The following METTL25 variants were observed in gnomAD, a reference collection of about 807,000 sequenced individuals.
METTL25 encodes methyltransferase like 25.
METTL25 carries 64 observed loss-of-function variants against 71.6 expected under a neutral mutation model. The ratio of observed to expected loss-of-function variants is 0.89; its 90% CI spans 0.73 to 1.10. The LOEUF (loss-of-function observed/expected upper bound fraction) is 1.10. Ranked by LOEUF, METTL25 falls within the 50% of genes least tolerant of loss-of-function variation. The pLI is 0.00. For synonymous variants in METTL25, 287 were observed against 250.3 expected (o/e 1.15, Z -1.38); for missense variants, 807 against 707.0 (o/e 1.14, Z -1.60).
intron 1 of METTL25, among the ~76,000 whole-genome samples, chr12:82,361,228 C>G (rs919647221): frequency 6.6e-6 from 1 of 152,172 alleles, no homozygotes; most frequent in Non-Finnish European, 1.5e-5. Context: ...ATACACAGAG[C>G]ACTGATTGGT....
At chr12:82,365,335 GA>G (rs1193696778) in intron 1 of METTL25, among the ~76,000 whole-genome samples, 1 of 152,056 alleles carries the variant, frequency 6.6e-6, no homozygotes, top group Non-Finnish European at 1.5e-5. Context: ...GTACATTACA[GA>G]TTACAATAAA....
At position 82,433,189 on chromosome 12, in the gene METTL25, A is replaced by G. The variant is rs534093389; in HGVS notation, c.1375-1506A>G. Among the ~76,000 whole-genome samples, 3 of 151,846 alleles carry G rather than the reference A, an allele frequency of 2.0e-5. No homozygotes were observed. In the East Asian group the frequency reaches 5.8e-4, roughly 30 times the overall value. ...ATTAAGCTTATCAGCAACACATACC[A>G]AAAGCAGTCTTGGGGTATATGATAT... is the stretch of plus-strand genomic sequence containing the variant. On this transcript the variant is annotated intron_variant, in intron 6 of 11. Coordinates refer to ENST00000248306, the MANE Select transcript of METTL25 (RefSeq NM_032230.3).
rs753508835 is a variant in METTL25 at position 82,398,956 on chromosome 12, A to G, written c.693A>G (p.Ser231=). ...KKHWKLCHAQ[S]RLDVNGLALK... ...ATTGGAAACTCTGTCATGCTCAGTCAAGATTAGATGTCAATGGACTAGCAT... is the reference window on the plus strand; with the variant it reads ...ATTGGAAACTCTGTCATGCTCAGTCGAGATTAGATGTCAATGGACTAGCAT... The change falls in exon 4 of 12, where the codon TCA becomes TCG. Residue 231 remains serine (S), a synonymous_variant. Transcript: ENST00000248306. 1.9e-6 allele frequency: 3 copies of G among 1,611,716 alleles called. No individual in the cohort carries two copies. In the South Asian group the frequency reaches 3.3e-5, roughly 18 times the overall value.
At chr12:82,382,783 A>G (rs1439976575) in intron 1 of METTL25, among the ~76,000 whole-genome samples, 1 of 151,504 alleles carries the variant, frequency 6.6e-6, no homozygotes, top group Non-Finnish European at 1.5e-5. Flanking sequence ...TGTCATGATG[A>G]GGGTTCACTA....
intron 1 of METTL25, among the ~76,000 whole-genome samples, chr12:82,381,538 C>T (rs187387656): frequency 1.3e-5 from 2 of 152,328 alleles, no homozygotes; most frequent in East Asian, 3.9e-4. Flanking sequence ...TTTTCTAGCA[C>T]ATAATTGGAT....
intron 8 of METTL25, among the ~76,000 whole-genome samples, chr12:82,443,700 C>T (rs1435493148): frequency 2.0e-5 from 3 of 152,098 alleles, no homozygotes; most frequent in South Asian, 2.1e-4. Flanking sequence ...TCATTCATGA[C>T]AGAAGGCAAA....
chr12:82,433,037 C>G (rs1889643254), intron 6 of METTL25, among the ~76,000 whole-genome samples: 1 of 151,528 alleles, frequency 6.6e-6, no homozygotes, highest in Non-Finnish European at 1.5e-5. Context: ...GAAATGAATG[C>G]TTGGTATGTT....
At chr12:82,392,317 C>T (rs1031358894) in intron 3 of METTL25, among the ~76,000 whole-genome samples, 3 of 147,964 alleles carry the variant, frequency 2.0e-5, no homozygotes, top group African/African-American at 7.5e-5. Flanking sequence ...CATGTTTTCT[C>T]ATTGTTCAGT....
chr12:82,390,920 C>T (rs533774156), intron 3 of METTL25, among the ~76,000 whole-genome samples: 2 of 152,130 alleles, frequency 1.3e-5, no homozygotes, highest in African/African-American at 4.8e-5. Context: ...GGCAGCCAAC[C>T]TCTATTAAGA....
intron 9 of METTL25, among the ~76,000 whole-genome samples, chr12:82,461,036 A>G (rs1020105782): frequency 2.6e-5 from 4 of 152,206 alleles, no homozygotes; most frequent in Admixed American, 2.0e-4. Context: ...CCAGCTACTC[A>G]GGAGGCTGAG....
At chr12:82,363,644 C>A (rs1004083372) in intron 1 of METTL25, among the ~76,000 whole-genome samples, 1 of 151,708 alleles carries the variant, frequency 6.6e-6, no homozygotes, top group Non-Finnish European at 1.5e-5. Context: ...AGAACAACAA[C>A]CACCACAAAT....
At chr12:82,440,173 A>T (rs983076217) in intron 8 of METTL25, among the ~76,000 whole-genome samples, 6 of 151,778 alleles carry the variant, frequency 4.0e-5, no homozygotes, top group Admixed American at 4.0e-4. Flanking sequence ...TTATTATTCT[A>T]TCCCCTAGTT....
chr12:82,403,221 A>C (rs1886799810), intron 5 of METTL25, 91 bp downstream of exon 5: 1 of 1,253,120 alleles, frequency 8.0e-7, no homozygotes, highest in South Asian at 1.5e-5. Flanking sequence ...TTTTTTCGTC[A>C]TTACCATGAT....
chr12:82,474,045 G>T (rs536791043), intron 9 of METTL25, among the ~76,000 whole-genome samples: 10 of 152,104 alleles, frequency 6.6e-5, no homozygotes, highest in Non-Finnish European at 1.3e-4. Context: ...AGGTGGGAGT[G>T]GGGAGTGCGC....
chr12:82,416,447 T>TG (rs1445595503), intron 5 of METTL25, among the ~76,000 whole-genome samples: 1 of 3,996 alleles, frequency 2.5e-4, no homozygotes, highest in Admixed American at 4.2e-3. Flanking sequence ...ATCATTTAGG[T>TG]TTTTTTTTTT....
chr12:82,397,533 T>G (rs1336262817), intron 3 of METTL25, among the ~76,000 whole-genome samples: 2 of 152,080 alleles, frequency 1.3e-5, no homozygotes, highest in Admixed American at 6.6e-5. Flanking sequence ...AATGTCACAA[T>G]TTTTCTCCTG....
At chr12:82,474,695 T>A (rs1012722398) in intron 9 of METTL25, 1 of 152,200 alleles carries the variant, frequency 6.6e-6, no homozygotes, top group Non-Finnish European at 1.5e-5. Context: ...TCAAACATAC[T>A]TACAATGCAT....
rs957546468 is a variant in METTL25, at chr12:82,444,856, T to C, written c.1478+6065T>C. On this transcript the variant is annotated intron_variant, in intron 8 of 11. Transcript: ENST00000248306. Reference sequence around the variant, plus strand: ...ACTGCACCTGTAAGGACAACACACATAGACCAAAAGTACAGAGATGGAAGA... The same window carrying C: ...ACTGCACCTGTAAGGACAACACACACAGACCAAAAGTACAGAGATGGAAGA... 2.6e-5 allele frequency among the ~76,000 whole-genome samples: 4 copies of C among 151,938 alleles called. 1 individual carries two copies. The South Asian group carries it at 8.3e-4, about 31-fold the overall frequency.
At chr12:82,434,116 G>T (rs1889736906) in intron 6 of METTL25, among the ~76,000 whole-genome samples, 1 of 151,026 alleles carries the variant, frequency 6.6e-6, no homozygotes, top group South Asian at 2.1e-4. Context: ...GTAAAAATAT[G>T]TTTTACTTTC....
Sources: gnomAD v4.1 joint callset for allele counts (sites outside exome capture counted in the v4.1 genomes callset) on GRCh38, gnomAD v4.1.1 for gene constraint, MANE v1.5 for transcripts, NCBI Gene and HGNC (gene_info 2026-07-23, HGNC 2026-07-21) for gene names.